The following SLC22A23 variants were observed in gnomAD, a reference collection of about 807,000 sequenced individuals.
SLC22A23 encodes solute carrier family 22 member 23, also known as ion transporter protein.
A neutral mutation model predicts 61.0 loss-of-function variants in SLC22A23; 26 were observed. That is an observed-to-expected ratio of 0.43 (90% CI 0.31 to 0.59). The LOEUF (loss-of-function observed/expected upper bound fraction) is 0.59, where lower values mean the gene tolerates loss of function less well. Ranked by LOEUF, SLC22A23 falls within the 20% of genes least tolerant of loss-of-function variation. The pLI is 0.11. For synonymous variants in SLC22A23, 430 were observed against 413.9 expected, an observed-to-expected ratio of 1.04 and a Z score of -0.47; for missense variants, 796 against 934.7, an observed-to-expected ratio of 0.85 and a Z score of 1.94.
intron 1 of SLC22A23, among the ~76,000 whole-genome samples, chr6:3,435,659 G>A (rs760648004): frequency 1.7e-4 from 26 of 152,134 alleles, no homozygotes; most frequent in Non-Finnish European, 2.1e-4. Flanking sequence ...CCAGAGATGC[G>A]ACTGCCTCCC....
chr6:3,271,361 C>T lies in SLC22A23; in HGVS notation c.*1694G>A, dbSNP rs1387074839. 1 of 152,364 alleles carries T rather than the reference C, an allele frequency of 6.6e-6. No individual in the cohort carries two copies. The allele number at this position is 152,364 out of a possible 1,614,324, so 9.4% of individuals were successfully genotyped here. ...CTGGAAACACGTGGCCAAGAGTCTG[C>T]TTGCCCCTTGCTGTGTCTTTACACA... On this transcript the variant is annotated 3_prime_UTR_variant, in exon 10 of 10. Transcript: ENST00000406686.
intron 3 of SLC22A23, among the ~76,000 whole-genome samples, chr6:3,397,318 C>T (rs749234580): frequency 1.3e-5 from 2 of 152,226 alleles, no homozygotes; most frequent in Admixed American, 6.5e-5. Context: ...TGAAAAAGTT[C>T]ACCTTTGCAC....
chr6:3,284,391 T>C (rs534027492), intron 8 of SLC22A23, among the ~76,000 whole-genome samples: 1 of 152,208 alleles, frequency 6.6e-6, no homozygotes, highest in South Asian at 2.1e-4. Context: ...AAACAAAAAC[T>C]CAAGCCACAG....
At chr6:3,299,494 G>A (rs9391987) in intron 4 of SLC22A23, among the ~76,000 whole-genome samples, 11,931 of 152,192 alleles carry the variant, frequency 0.078, 663 homozygotes, top group East Asian at 0.24. Context: ...TTACCAAAGC[G>A]ACAGAATCTT....
chr6:3,273,213 G>A lies in SLC22A23; in HGVS notation c.1903C>T (p.His635Tyr). The change falls in exon 10 of 10, where the codon CAC (histidine) becomes TAC (tyrosine). Residue 635 changes from histidine (H) to tyrosine (Y), a missense_variant. Physicochemically the swap from His to Tyr is moderately conservative, Grantham distance 83 (BLOSUM62 2). Transcript: ENST00000406686. ...NLPENISNGEHYTRQPLLPHK... is the reference protein window; with the variant it reads ...NLPENISNGEYYTRQPLLPHK... ...GGCAGCAGCGGCTGGCGCGTGTAGT[G>A]CTCCCCGTTAGAAATGTTCTCAGGC... The A allele has an allele frequency of 6.2e-7, 1 of 1,613,244 alleles. No homozygotes were observed. The highest frequency in any genetic ancestry group is 1.1e-5 in the South Asian group (1 of 91,010).
At chr6:3,325,725 T>C (rs1320439902) in intron 3 of SLC22A23, among the ~76,000 whole-genome samples, 2 of 152,370 alleles carry the variant, frequency 1.3e-5, no homozygotes, top group East Asian at 3.8e-4. Context: ...TGTTTTCATT[T>C]ATTAAGCACA....
chr6:3,320,372 A>G (rs955655301), intron 4 of SLC22A23, among the ~76,000 whole-genome samples: 1 of 151,954 alleles, frequency 6.6e-6, no homozygotes, highest in Admixed American at 6.6e-5. Context: ...CCCCTACCCC[A>G]AGAAGCCGCC....
At position 3,294,426 on chromosome 6, in the gene SLC22A23, G is replaced by A. The variant is rs527519660; in HGVS notation, c.1210+3665C>T. ...GGAGCATTCAGATTTGGGATTTTTGGATTTGGAAAGCTCAACCAGTAAGTA... is the reference window on the plus strand; with the variant it reads ...GGAGCATTCAGATTTGGGATTTTTGAATTTGGAAAGCTCAACCAGTAAGTA... On this transcript the variant is annotated intron_variant, in intron 5 of 9. Transcript: ENST00000406686. 3.3e-5 allele frequency among the ~76,000 whole-genome samples: 5 copies of A among 152,234 alleles called. No homozygotes were observed. The South Asian group carries it at 8.3e-4, about 25-fold the overall frequency.
At chr6:3,393,509 CA>C (rs1303893707) in intron 3 of SLC22A23, among the ~76,000 whole-genome samples, 9 of 152,222 alleles carry the variant, frequency 5.9e-5, no homozygotes, top group African/African-American at 2.2e-4. Context: ...CTTGATGCTG[CA>C]GGTTCTCTTA....
intron 3 of SLC22A23, among the ~76,000 whole-genome samples, chr6:3,404,467 A>T (rs1390497607): frequency 1.3e-5 from 2 of 152,232 alleles, no homozygotes; most frequent in African/African-American, 4.8e-5. Flanking sequence ...GTCTATAGAA[A>T]GAAAAGTCCA....
chr6:3,415,708 C>T (rs1769648834), intron 2 of SLC22A23, 44 bp downstream of exon 2: 2 of 1,332,022 alleles, frequency 1.5e-6, no homozygotes, highest in African/African-American at 1.5e-5. Flanking sequence ...CAAAGGCGTG[C>T]TGTGGCCTCC....
In SLC22A23 at chr6:3,273,104, C is replaced by A; in HGVS notation, c.2012G>T (p.Gly671Val). The A allele has an allele frequency of 1.9e-6, 3 of 1,597,464 alleles. No homozygotes were observed. The highest frequency in any genetic ancestry group is 2.2e-5 in the South Asian group (2 of 90,336). Residue 671 changes from glycine (G) to valine (V), a missense_variant, in exon 10 of 10, where the codon GGT (glycine) becomes GTT (valine). Transcript: ENST00000406686. ...YSGLHDAAAA[G>V]DTLPEGATAN... is the part of the protein sequence containing the mutation. ...CGTGGCACCCTCGGGCAGTGTGTCA[C>A]CCGCGGCTGCGGCATCGTGGAGGCC...
chr6:3,399,056 G>GA (rs1469544793), intron 3 of SLC22A23, among the ~76,000 whole-genome samples: 1 of 144,920 alleles, frequency 6.9e-6, no homozygotes, highest in Non-Finnish European at 1.5e-5. Context: ...TAATAAAACC[G>GA]AAAAAACGAA....
rs559566650 is a variant in SLC22A23 at position 3,414,832 on chromosome 6, A to G, written c.758+920T>C. On this transcript the variant is annotated intron_variant, in intron 2 of 9. Coordinates refer to ENST00000406686, the MANE Select transcript of SLC22A23 (RefSeq NM_015482.2). The surrounding 1 kb of genome is among the most constrained non-coding windows in gnomAD (Gnocchi z 5.1). ...ATCTCGCTACTTGAAAAACCTGTCA[A>G]CATTGTGCAACTGCCTCCCTGCTTA... 6.6e-6 allele frequency among the ~76,000 whole-genome samples: 1 copy of G among 152,150 alleles called. No individual in the cohort carries two copies. The highest frequency in any genetic ancestry group is 1.9e-4 in the East Asian group (1 of 5,182).
chr6:3,443,949 C>T (rs1771749685), intron 1 of SLC22A23, among the ~76,000 whole-genome samples: 1 of 152,198 alleles, frequency 6.6e-6, no homozygotes, highest in South Asian at 2.1e-4. Flanking sequence ...ACTCCCCACC[C>T]CACTTTGTGA....
intron 9 of SLC22A23, among the ~76,000 whole-genome samples, chr6:3,281,381 A>G (rs941101993): frequency 6.6e-6 from 1 of 152,226 alleles, no homozygotes; most frequent in African/African-American, 2.4e-5. Flanking sequence ...CTTGGCCTCT[A>G]TCATCCTTGG....
intron 3 of SLC22A23, among the ~76,000 whole-genome samples, chr6:3,334,130 A>G (rs568593070): frequency 6.6e-6 from 1 of 152,330 alleles, no homozygotes; most frequent in East Asian, 1.9e-4. Context: ...CTATTGGCCT[A>G]CTGGCCTTGG....
rs1758425194 is a variant in SLC22A23, at chr6:3,270,740, G to A, written c.*2315C>T. On this transcript the variant is annotated 3_prime_UTR_variant, in exon 10 of 10. Transcript: ENST00000406686. ...GACCAGTTTTTTATTGTCATTTGAG[G>A]TGGAGATCAGAGATCATGACCAGAA... is the stretch of plus-strand genomic sequence containing the variant. The A allele has an allele frequency of 6.6e-6, 1 of 152,340 alleles. No homozygotes were observed. The highest frequency in any genetic ancestry group is 1.5e-5 in the Non-Finnish European group (1 of 68,062). 9.4% of individuals were successfully genotyped at this position (152,340 alleles called of 1,614,324 possible).
chr6:3,287,099 G>C lies in SLC22A23; in HGVS notation c.1314-8C>G. The C allele has an allele frequency of 6.2e-7, 1 of 1,613,424 alleles. No homozygotes were observed. Among genetic ancestry groups the C allele is most frequent in the South Asian group, 1.1e-5 (1 of 90,912 alleles). ...ATCCCGTACCCCGTCAGCCTGTGGA[G>C]ACATACCGAGCGGCAGTGGGTGGGC... On this transcript the variant is annotated splice_polypyrimidine_tract_variant and splice_region_variant and intron_variant, in intron 6 of 9. Coordinates refer to ENST00000406686, the MANE Select transcript of SLC22A23 (RefSeq NM_015482.2).
Sources: gnomAD v4.1 joint callset for allele counts (sites outside exome capture counted in the v4.1 genomes callset) on GRCh38, gnomAD v4.1.1 for gene constraint, Gnocchi (gnomAD v3.1) non-coding constraint, MANE v1.5 for transcripts, NCBI Gene and HGNC (gene_info 2026-07-23, HGNC 2026-07-21) for gene names.